PLXNA1: variants seen among roughly 807,000 people sequenced by gnomAD.
PLXNA1 encodes the protein plexin-A1.
PLXNA1 carries 77 observed loss-of-function variants against 191.7 expected under a neutral mutation model. The observed-to-expected ratio is 0.40, with a 90% CI of 0.33 to 0.49. PLXNA1 has a LOEUF of 0.49. Among genes scored for constraint, PLXNA1 ranks in the 20% least tolerant of loss-of-function variants. The pLI is 0.63. For synonymous variants in PLXNA1, 1,137 were observed against 1,156.4 expected (o/e 0.98, Z 0.34); for missense variants, 2,110 against 2,660.2 (o/e 0.79, Z 4.55).
intron 29 of PLXNA1, among the ~76,000 whole-genome samples, chr3:127,030,902 A>C (rs900032569): frequency 3.3e-5 from 5 of 152,152 alleles, no homozygotes; most frequent in Admixed American, 6.5e-5. Flanking sequence ...GGTCTCACGG[A>C]GCAGCTGGAG....
In PLXNA1 at chr3:127,032,800, C is replaced by T. The variant is rs993511646; in HGVS notation, c.5559C>T (p.His1853=). ...AGTTCAACAGCATGAGCGCCTTGCA[C>T]GAGATCTACTCCTACATCACCAAGT... ...LSQFNSMSAL[H]EIYSYITKYK... Residue 1853 remains histidine (H), a synonymous_variant, in exon 31 of 32, where the codon CAC becomes CAT. Transcript: ENST00000393409. The T allele has an allele frequency of 2.0e-5, 32 of 1,612,812 alleles. No homozygotes were observed. Among genetic ancestry groups the T allele is most frequent in the Admixed American group, 1.8e-4 (11 of 59,964 alleles).
At chr3:127,030,715 G>A (rs532302798) in intron 29 of PLXNA1, among the ~76,000 whole-genome samples, 6 of 152,360 alleles carry the variant, frequency 3.9e-5, no homozygotes, top group South Asian at 2.1e-4. Context: ...GGGCTGCAGC[G>A]TGAGAAACAG....
chr3:127,013,932 C>G, intron 10 of PLXNA1, 88 bp from the exon 11 acceptor site: 3 of 1,194,734 alleles, frequency 2.5e-6, no homozygotes, highest in Non-Finnish European at 3.8e-6. Flanking sequence ...TCCCCCTAAG[C>G]TGGCGCCCTG....
Position 127,014,729 on chromosome 3 carries a change from G to C in PLXNA1, c.2775G>C (p.Gly925=). 6.2e-7 allele frequency: 1 copy of C among 1,611,858 alleles called. No homozygotes were observed. Among genetic ancestry groups the C allele is most frequent in the Non-Finnish European group, 8.5e-7 (1 of 1,179,710 alleles). ...CCCACAGGATCGTCTGTGAGATCGG[G>C]GACGCCAGCTCCGTGCGTGCCCATG... ...ISAEQIVCEI[G]DASSVRAHDA... is the part of the protein sequence containing the mutation. Residue 925 remains glycine, a synonymous_variant, in exon 14 of 32, where the codon GGG becomes GGC. Transcript: ENST00000393409.
At chr3:127,029,121 G>T in intron 26 of PLXNA1, 25 bp downstream of exon 26, 1 of 1,571,702 alleles carries the variant, frequency 6.4e-7, no homozygotes, top group Non-Finnish European at 8.7e-7. Context: ...TCCGACCCTA[G>T]CACAGGCCTC....
In PLXNA1 at chr3:127,027,976, G is replaced by C; in HGVS notation, c.4399G>C (p.Ala1467Pro). 6.2e-7 allele frequency: 1 copy of C among 1,613,816 alleles called. No individual in the cohort carries two copies. Among genetic ancestry groups the C allele is most frequent in the Non-Finnish European group, 8.5e-7 (1 of 1,179,988 alleles). Residue 1467 changes from alanine (A) to proline (P), a missense_variant, in exon 24 of 32, where the codon GCC becomes CCC. By Grantham distance (27) the Ala-to-Pro change is conservative. Coordinates refer to ENST00000393409, the MANE Select transcript of PLXNA1 (RefSeq NM_032242.4). ...AGEPLFMLYCAIKQQMEKGPI... is the reference protein window; with the variant it reads ...AGEPLFMLYCPIKQQMEKGPI... ...GGAGCCGCTGTTCATGCTGTACTGC[G>C]CCATCAAGCAGCAGATGGAGAAGGG... is the stretch of plus-strand genomic sequence containing the variant.
chr3:127,005,283 G>C (rs550659032), intron 7 of PLXNA1, 40 bp downstream of exon 7: 183 of 1,569,242 alleles, frequency 1.2e-4, no homozygotes, highest in Non-Finnish European at 1.5e-4. Flanking sequence ...TGCCTGGCCA[G>C]GTCCAGGGCT....
chr3:126,989,018 G>A lies in PLXNA1; in HGVS notation c.425G>A (p.Arg142His). The part of the protein sequence containing the change: ...SASQGICQFL[R>H]LDDLFKLGEP... The stretch of plus-strand genomic sequence containing the variant: ...TCCCAGGGCATCTGCCAGTTCCTGC[G>A]TCTGGACGATCTCTTCAAACTGGGT... The change falls in exon 2 of 32, where the codon CGT (arginine) becomes CAT (histidine). Residue 142 changes from arginine (R) to histidine (H), a missense_variant. Coordinates refer to ENST00000393409, the MANE Select transcript of PLXNA1 (RefSeq NM_032242.4). 6.2e-7 allele frequency: 1 copy of A among 1,613,300 alleles called. No individual in the cohort carries two copies. The highest frequency in any genetic ancestry group is 8.5e-7 in the Non-Finnish European group (1 of 1,180,028).
chr3:127,007,428 C>G (rs1307851368), intron 8 of PLXNA1, among the ~76,000 whole-genome samples: 2 of 152,244 alleles, frequency 1.3e-5, no homozygotes, highest in African/African-American at 4.8e-5. Flanking sequence ...GGAGTCAAGA[C>G]TTAAAATGAA....
intron 9 of PLXNA1, among the ~76,000 whole-genome samples, 189 bp from the exon 10 acceptor site, chr3:127,011,769 G>A (rs899287537): frequency 6.6e-6 from 1 of 152,238 alleles, no homozygotes. Flanking sequence ...AGAGGTAATA[G>A]AGCCTGTCTG....
intron 2 of PLXNA1, among the ~76,000 whole-genome samples, chr3:126,990,924 G>A (rs1168248269): frequency 6.6e-6 from 1 of 152,020 alleles, no homozygotes; most frequent in African/African-American, 2.4e-5. Context: ...TTCATCCCTG[G>A]GGACAGTCCC....
chr3:127,013,903 G>A (rs1162725853), intron 10 of PLXNA1, 117 bp from the exon 11 acceptor site: 7 of 841,116 alleles, frequency 8.3e-6, no homozygotes, highest in South Asian at 1.4e-5. Context: ...GAGAGGGAGC[G>A]GTTGTGGCTG....
intron 9 of PLXNA1, among the ~76,000 whole-genome samples, chr3:127,011,674 C>T (rs1559960266): frequency 1.3e-5 from 2 of 152,212 alleles, no homozygotes; most frequent in South Asian, 2.1e-4. Flanking sequence ...GCCTCTGGGG[C>T]CTTTTCAGCT....
chr3:127,030,228 GCCT>G lies in PLXNA1; in HGVS notation c.5062-14_5062-12del. On this transcript the variant is annotated splice_polypyrimidine_tract_variant and intron_variant, in intron 28 of 31. Coordinates refer to ENST00000393409, the MANE Select transcript of PLXNA1 (RefSeq NM_032242.4). ...CAGCGCCCTGGGGCTCAGTGTCCCT[GCCT>G]GCCCCCCGCAGGGCACACTGCAGAA... 6.2e-7 allele frequency: 1 copy of G among 1,611,412 alleles called. No individual in the cohort carries two copies. Among genetic ancestry groups the G allele is most frequent in the Non-Finnish European group, 8.5e-7 (1 of 1,178,476 alleles).
chr3:127,006,319 C>T (rs2079068975), intron 8 of PLXNA1, 141 bp downstream of exon 8: 6 of 706,360 alleles, frequency 8.5e-6, no homozygotes, highest in South Asian at 3.3e-5. Flanking sequence ...GATTGGGGCT[C>T]CTGAGGCTGG....
rs546126806 is a variant in PLXNA1 at position 126,995,103 on chromosome 3, A to G, written c.1377+3537A>G. On this transcript the variant is annotated intron_variant, in intron 3 of 31. Transcript: ENST00000393409. ...CCAGGGACTTGGCTGGCCCCGGGCC[A>G]GTTCCTGTCAAACTGTTGGGGTGTG... Among the ~76,000 whole-genome samples, 7 of 152,292 alleles carry G rather than the reference A, an allele frequency of 4.6e-5. No homozygotes were observed. The East Asian group carries it at 1.4e-3, about 30-fold the overall frequency.
chr3:126,997,017 G>A (rs754009657), intron 3 of PLXNA1, among the ~76,000 whole-genome samples: 3 of 152,288 alleles, frequency 2.0e-5, no homozygotes, highest in African/African-American at 4.8e-5. Context: ...CAGGGTGACC[G>A]CCCTGGCTGG....
At chr3:126,985,050 G>A (rs943097549) in intron 1 of PLXNA1, among the ~76,000 whole-genome samples, 12 of 152,196 alleles carry the variant, frequency 7.9e-5, no homozygotes, top group African/African-American at 2.7e-4. Flanking sequence ...TGAGCCACTG[G>A]GCAGGATGGC....
In PLXNA1 at chr3:127,014,714, C is replaced by A. The variant is rs747225375; in HGVS notation, c.2760C>A (p.Ile920=). 1 of 1,611,412 alleles carries A rather than the reference C, an allele frequency of 6.2e-7. No individual in the cohort carries two copies. The highest frequency in any genetic ancestry group is 8.5e-7 in the Non-Finnish European group (1 of 1,179,560). ...CCTGAGGCCCGCCTGCCCACAGGAT[C>A]GTCTGTGAGATCGGGGACGCCAGCT... The part of the protein sequence containing the change: ...VESEYISAEQ[I]VCEIGDASSV... The change falls in exon 14 of 32, where the codon ATC becomes ATA. Residue 920 remains isoleucine, a synonymous_variant. Transcript: ENST00000393409.
Sources: allele counts gnomAD v4.1 joint callset (sites outside exome capture counted in the v4.1 genomes callset), GRCh38; gene constraint gnomAD v4.1.1; transcripts MANE v1.5; gene names NCBI Gene and HGNC (gene_info 2026-07-23, HGNC 2026-07-21).